ADGRV1: variants seen among roughly 807,000 people sequenced by gnomAD.
ADGRV1 encodes the protein adhesion G protein-coupled receptor V1, also known as G-protein coupled receptor 98.
ADGRV1 carries 359 observed loss-of-function variants against 596.2 expected under a neutral mutation model. The ratio of observed to expected loss-of-function variants is 0.60; its 90% CI spans 0.55 to 0.66. ADGRV1 has a LOEUF of 0.66. Ranked by LOEUF, ADGRV1 falls within the 30% of genes least tolerant of loss-of-function variation. ADGRV1 has a pLI of 0.00. For synonymous variants in ADGRV1, 2,681 were observed against 2,679.2 expected (o/e 1.00, Z -0.02); for missense variants, 7,274 against 7,575.6 (o/e 0.96, Z 1.48).
chr5:90,757,247 T>C, intron 57 of ADGRV1, 86 bp downstream of exon 57: 1 of 991,348 alleles, frequency 1.0e-6, no homozygotes, highest in Non-Finnish European at 1.6e-6. Context: ...ACATTGGTGA[T>C]TGCTAAATGC....
chr5:91,072,159 G>A (rs1788444377), intron 85 of ADGRV1, among the ~76,000 whole-genome samples: 1 of 152,060 alleles, frequency 6.6e-6, no homozygotes, highest in African/African-American at 2.4e-5. Context: ...TAACTTCTAT[G>A]AGATGTATAT....
At chr5:90,743,722 C>G (rs1361389213) in intron 50 of ADGRV1, among the ~76,000 whole-genome samples, 1 of 152,100 alleles carries the variant, frequency 6.6e-6, no homozygotes, top group Non-Finnish European at 1.5e-5. Flanking sequence ...CTTCCTGCCT[C>G]TGCCTCCCAA....
rs1324514744 is a variant in ADGRV1 at position 90,704,464 on chromosome 5, A to G, written c.8362A>G (p.Ile2788Val). Reference sequence around the variant, plus strand: ...TGAGGAGAAAGAAGTATACCAAGTCATTCTGTATGATGTCAGGACACAAGG... The same window carrying G: ...TGAGGAGAAAGAAGTATACCAAGTCGTTCTGTATGATGTCAGGACACAAGG... ...IPEEKEVYQV[I>V]LYDVRTQGVP... Residue 2788 changes from isoleucine (I) to valine (V), a missense_variant, in exon 36 of 90, where the codon ATT becomes GTT. Physicochemically the swap from Ile to Val is conservative, Grantham distance 29. Coordinates refer to ENST00000405460, the MANE Select transcript of ADGRV1 (RefSeq NM_032119.4). 7 of 1,567,562 alleles carry G rather than the reference A, an allele frequency of 4.5e-6. No individual in the cohort carries two copies. Among genetic ancestry groups the G allele is most frequent in the Non-Finnish European group, 6.1e-6 (7 of 1,151,664 alleles).
chr5:90,802,631 A>G (rs1761493906), intron 70 of ADGRV1, 108 bp from the exon 71 acceptor site: 1 of 898,614 alleles, frequency 1.1e-6, no homozygotes, highest in Admixed American at 2.3e-5. Flanking sequence ...TATTGATGAA[A>G]CTGTTTGCTA....
Position 90,755,168 on chromosome 5 carries a change from G to A in ADGRV1, c.11563G>A (p.Glu3855Lys), listed in dbSNP as rs774378608. ...MKENIKEAHA[E>K]VSILPDDLPE... ...AGAAAACATAAAAGAAGCTCATGCC[G>A]AAGTTTCCATTTTGCCGGTAAGTCA... Residue 3855 changes from glutamate (E) to lysine (K), a missense_variant, in exon 55 of 90, where the codon GAA (glutamate) becomes AAA (lysine). By Grantham distance (56) the Glu-to-Lys change is moderately conservative. Coordinates refer to ENST00000405460, the MANE Select transcript of ADGRV1 (RefSeq NM_032119.4). 14 of 1,601,286 alleles carry A rather than the reference G, an allele frequency of 8.7e-6. No individual in the cohort carries two copies. Among genetic ancestry groups the A allele is most frequent in the South Asian group, 1.1e-5 (1 of 89,350 alleles).
In ADGRV1 at chr5:90,617,881, A is replaced by G. The variant is rs1327538177; in HGVS notation, c.285A>G (p.Thr95=). The change falls in exon 3 of 90, where the codon ACA becomes ACG. Residue 95 remains threonine, a synonymous_variant. Transcript: ENST00000405460. ...AFIPAGETNR[T]VYIAVCDDDL... ...TACCTGCCGGAGAAACAAACAGAAC[A>G]GTGTACATAGCAGTATGTGATGATG... 4 of 1,598,460 alleles carry G rather than the reference A, an allele frequency of 2.5e-6. No individual in the cohort carries two copies. Among genetic ancestry groups the G allele is most frequent in the Non-Finnish European group, 3.4e-6 (4 of 1,171,384 alleles).
At chr5:90,897,289 C>T (rs930049746) in intron 83 of ADGRV1, among the ~76,000 whole-genome samples, 1 of 152,074 alleles carries the variant, frequency 6.6e-6, no homozygotes, top group African/African-American at 2.4e-5. Context: ...GATAATGATT[C>T]ATAGTTAATA....
chr5:90,776,546 C>G lies in ADGRV1; in HGVS notation c.12497C>G (p.Ser4166Ter), dbSNP rs778188580. Residue 4166 changes from serine to a stop codon, truncating the protein, a stop_gained, in exon 61 of 90, where the codon TCA becomes TGA. Transcript: ENST00000405460. LOFTEE classifies it high-confidence loss of function. Reference sequence around the variant, plus strand: ...AGGCACATCCTCATTGGGGAACCCTCAGCAAAATATAATGGTACCGCTATT... The same window carrying G: ...AGGCACATCCTCATTGGGGAACCCTGAGCAAAATATAATGGTACCGCTATT... ...SSRHILIGEP[S>*]AKYNGTAIIS... is the part of the protein sequence containing the mutation. 4 of 1,613,214 alleles carry G rather than the reference C, an allele frequency of 2.5e-6. No individual in the cohort carries two copies. In the Admixed American group the frequency reaches 6.7e-5, roughly 27 times the overall value.
intron 83 of ADGRV1, among the ~76,000 whole-genome samples, chr5:90,883,994 T>C (rs1278568411): frequency 2.6e-5 from 4 of 152,192 alleles, no homozygotes; most frequent in African/African-American, 9.6e-5. Flanking sequence ...TGTCTCTCTC[T>C]ATTGCCCTGT....
intron 1 of ADGRV1, among the ~76,000 whole-genome samples, chr5:90,594,971 T>C (rs1328315385): frequency 6.7e-6 from 1 of 148,210 alleles, no homozygotes; most frequent in Non-Finnish European, 1.5e-5. Context: ...GCCATTGTCA[T>C]CCTGGCCCGT....
chr5:90,627,376 A>C lies in ADGRV1; in HGVS notation c.838A>C (p.Ile280Leu). 6.2e-7 allele frequency: 1 copy of C among 1,613,982 alleles called. No homozygotes were observed. Among genetic ancestry groups the C allele is most frequent in the South Asian group, 1.1e-5 (1 of 91,084 alleles). ...GGTTCCTGAGGAAGACCACATACTC[A>C]TAATTCCAGTAGTTCGTGGAAAGGA... ...YLVPEEDHILIIPVVRGKDNN... is the reference protein window; with the variant it reads ...YLVPEEDHILLIPVVRGKDNN... The change falls in exon 7 of 90, where the codon ATA becomes CTA. Residue 280 changes from isoleucine (I) to leucine (L), a missense_variant. Around this residue, in one of 5 missense-constraint regions of ADGRV1, gnomAD observed 1,715 missense variants for 1,708.8 expected, o/e 1.00. Transcript: ENST00000405460.
At chr5:90,577,126 A>C (rs1194178645) in intron 1 of ADGRV1, among the ~76,000 whole-genome samples, 2 of 151,954 alleles carry the variant, frequency 1.3e-5, no homozygotes, top group Non-Finnish European at 2.9e-5. Context: ...GTTTAATTAG[A>C]TCCCATTTGT....
chr5:90,804,307 C>T (rs965946105), intron 71 of ADGRV1, among the ~76,000 whole-genome samples: 1 of 151,870 alleles, frequency 6.6e-6, no homozygotes, highest in Non-Finnish European at 1.5e-5. Flanking sequence ...GAAGGTGAGG[C>T]ATGAGAATCA....
chr5:90,741,617 A>C (rs1414956308), intron 50 of ADGRV1, among the ~76,000 whole-genome samples: 2 of 152,312 alleles, frequency 1.3e-5, no homozygotes, highest in African/African-American at 4.8e-5. Context: ...AAGTTATAGA[A>C]TTCTCTTTAA....
chr5:90,793,311 G>A (rs567556126), intron 70 of ADGRV1: 2 of 152,258 alleles, frequency 1.3e-5, no homozygotes, highest in East Asian at 1.9e-4. Context: ...TGTGTAACTC[G>A]AAACATTTTC....
intron 83 of ADGRV1, among the ~76,000 whole-genome samples, chr5:90,942,382 A>G (rs916420365): frequency 6.6e-6 from 1 of 152,194 alleles, no homozygotes; most frequent in Non-Finnish European, 1.5e-5. Flanking sequence ...TATTCCCTGG[A>G]AGAGGGGTCC....
At chr5:90,941,478 T>C (rs1460828463) in intron 83 of ADGRV1, among the ~76,000 whole-genome samples, 1 of 152,198 alleles carries the variant, frequency 6.6e-6, no homozygotes, top group Non-Finnish European at 1.5e-5. Flanking sequence ...CTCATCATTG[T>C]CAAATCAGTT....
At chr5:91,156,444 G>C (rs539366796) in intron 89 of ADGRV1, among the ~76,000 whole-genome samples, 2 of 152,150 alleles carry the variant, frequency 1.3e-5, no homozygotes, top group Admixed American at 6.5e-5. Flanking sequence ...TAAAGTCAGG[G>C]CTGAAAAGAG....
intron 85 of ADGRV1, among the ~76,000 whole-genome samples, chr5:90,988,861 A>G (rs1780721267): frequency 1.4e-5 from 2 of 140,722 alleles, no homozygotes; most frequent in Middle Eastern, 4.2e-3. Context: ...TCATTGTTCA[A>G]TTCCCACCTA....
Sources: allele counts gnomAD v4.1 joint callset (sites outside exome capture counted in the v4.1 genomes callset), GRCh38; gene constraint gnomAD v4.1.1; regional missense constraint gnomAD v4.1.1; transcripts MANE v1.5; gene names NCBI Gene and HGNC (gene_info 2026-07-23, HGNC 2026-07-21).